ALMS1: variants seen among roughly 807,000 people sequenced by gnomAD.
ALMS1 encodes the protein ALMS1 centrosome and basal body associated protein.
In ALMS1, 271 loss-of-function variants were observed where a neutral mutation model predicts 352.2. The observed-to-expected ratio is 0.77, with a 90% CI of 0.70 to 0.85. The LOEUF is 0.85. ALMS1 is among the 40% of genes least tolerant of loss of function. The pLI, the probability that ALMS1 is intolerant of heterozygous loss-of-function variation, is 0.00. For missense variants in ALMS1, 5,445 were observed against 4,870.7 expected, an observed-to-expected ratio of 1.12 and a Z score of -3.51; for synonymous variants, 1,865 against 1,761.2, an observed-to-expected ratio of 1.06 and a Z score of -1.48.
Position 73,490,709 on chromosome 2 carries a change from ACCTT to A in ALMS1, c.8756_8759del (p.Pro2919LeufsTer19), listed in dbSNP as rs1553409774. ...CAACATCAGGATTATGTAGCTCCAG[ACCTT>A]CCTTCTTGCATTTTTCTTGAACAAC... is the stretch of plus-strand genomic sequence containing the variant. On this transcript the variant is annotated frameshift_variant, in exon 10 of 23. Coordinates refer to ENST00000613296, the MANE Select transcript of ALMS1 (RefSeq NM_001378454.1). LOFTEE classifies it high-confidence loss of function. 2 of 1,614,142 alleles carry A rather than the reference ACCTT, an allele frequency of 1.2e-6. No individual in the cohort carries two copies. Among genetic ancestry groups the A allele is most frequent in the Non-Finnish European group, 1.7e-6 (2 of 1,180,012 alleles).
At position 73,429,079 on chromosome 2, in the gene ALMS1, A is replaced by G. The variant is rs563624272; in HGVS notation, c.1338+2526A>G. 8.5e-5 allele frequency among the ~76,000 whole-genome samples: 13 copies of G among 152,254 alleles called. No homozygotes were observed. The South Asian group carries it at 2.5e-3, about 29-fold the overall frequency. ...GGAGGATCACTTTCCTGATCTGCAT[A>G]AGGAAATAGGAATAGTAATAACCTT... On this transcript the variant is annotated intron_variant, in intron 6 of 22. Coordinates refer to ENST00000613296, the MANE Select transcript of ALMS1 (RefSeq NM_001378454.1).
rs58089734 is a variant in ALMS1, at chr2:73,585,726, C to CT, written c.11547+12317dup. ...ATCATTTTTGCATACACTTCTTGGC[C>CT]TTTTTTTTTTTTTTTCCCCGAGACG... On this transcript the variant is annotated intron_variant, in intron 16 of 22. Transcript: ENST00000613296. Among the ~76,000 whole-genome samples, 126 of 119,522 alleles carry CT rather than the reference C, an allele frequency of 1.1e-3. 3 individuals are homozygous for CT. Among genetic ancestry groups the CT allele is most frequent in the Admixed American group, 1.7e-3 (19 of 11,482 alleles). 78.4% of individuals were successfully genotyped at this position (119,522 alleles called of 152,430 possible). A position where few individuals can be genotyped will look rare whatever the true frequency, so the allele number is the denominator to read the frequency against.
At chr2:73,498,292 C>T (rs564770160) in intron 10 of ALMS1, among the ~76,000 whole-genome samples, 34 of 150,906 alleles carry the variant, frequency 2.3e-4, no homozygotes, top group African/African-American at 8.0e-4. Flanking sequence ...TTCATTGGTA[C>T]ATAGTAGGTG....
Position 73,455,180 on chromosome 2 carries a change from A to C in ALMS1, c.7559A>C (p.Asn2520Thr). ...VRAHAWNMKFNLAHDCGYSIS... is the reference protein window; with the variant it reads ...VRAHAWNMKFTLAHDCGYSIS... The stretch of plus-strand genomic sequence containing the variant: ...TCTCCAGCCTGGAATATGAAGTTCA[A>C]TTTAGCACATGATTGTGGATACTCC... The change falls in exon 9 of 23, where the codon AAT becomes ACT. Residue 2520 changes from asparagine (N) to threonine (T), a missense_variant. By Grantham distance (65) the Asn-to-Thr change is moderately conservative (BLOSUM62 0). Coordinates refer to ENST00000613296, the MANE Select transcript of ALMS1 (RefSeq NM_001378454.1). 1 of 1,613,326 alleles carries C rather than the reference A, an allele frequency of 6.2e-7. No individual in the cohort carries two copies. The highest frequency in any genetic ancestry group is 8.5e-7 in the Non-Finnish European group (1 of 1,179,742).
chr2:73,463,005 A>G (rs1424140118), intron 9 of ALMS1, among the ~76,000 whole-genome samples: 6 of 152,118 alleles, frequency 3.9e-5, no homozygotes, highest in Non-Finnish European at 8.8e-5. Context: ...CACAATAACA[A>G]TGGGAGACTT....
intron 10 of ALMS1, among the ~76,000 whole-genome samples, chr2:73,511,854 G>A (rs375856062): frequency 6.6e-6 from 1 of 152,090 alleles, no homozygotes; most frequent in African/African-American, 2.4e-5. Context: ...ACAAAGAATT[G>A]TTTCAAAATG....
intron 16 of ALMS1, among the ~76,000 whole-genome samples, chr2:73,590,677 C>CTTTTTTTTTTTTTT (rs35264211): frequency 1.8e-5 from 2 of 108,440 alleles, no homozygotes; most frequent in Non-Finnish European, 3.8e-5. Flanking sequence ...TGTTTTATTA[C>CTTTTTTTTTTTTTT]TTTTTTTTTT....
intron 15 of ALMS1, among the ~76,000 whole-genome samples, chr2:73,567,630 T>TC (rs1674830556): frequency 6.6e-6 from 1 of 152,178 alleles, no homozygotes; most frequent in South Asian, 2.1e-4. Context: ...CCATTTCAGA[T>TC]CCATTTGTAA....
At chr2:73,455,380 G>A (rs1672039014) in intron 9 of ALMS1, 85 bp downstream of exon 9, 2 of 1,557,248 alleles carry the variant, frequency 1.3e-6, no homozygotes, top group Admixed American at 3.5e-5. Flanking sequence ...CATCAGTTGA[G>A]TTGCTGATAA....
chr2:73,539,965 G>A (rs1403608483), intron 12 of ALMS1, among the ~76,000 whole-genome samples: 3 of 152,194 alleles, frequency 2.0e-5, no homozygotes, highest in Non-Finnish European at 4.4e-5. Context: ...TTATCCAGGA[G>A]AACTTCCCCA....
rs187132636 is a variant in ALMS1 at position 73,390,189 on chromosome 2, A to G, written c.324+3997A>G. Among the ~76,000 whole-genome samples, 179 of 152,334 alleles carry G rather than the reference A, an allele frequency of 1.2e-3. 1 individual carries two copies. The highest frequency in any genetic ancestry group is 3.5e-3 in the African/African-American group (146 of 41,562). ...TTACAATGATACAAGGAGTGTTCAGATAATTTTTCCTTTAGTTCACTGGCA... is the reference window on the plus strand; with the variant it reads ...TTACAATGATACAAGGAGTGTTCAGGTAATTTTTCCTTTAGTTCACTGGCA... On this transcript the variant is annotated intron_variant, in intron 1 of 22. Transcript: ENST00000613296.
At position 73,489,759 on chromosome 2, in the gene ALMS1, C is replaced by G; in HGVS notation, c.7800C>G (p.His2600Gln). 6.2e-7 allele frequency: 1 copy of G among 1,614,156 alleles called. No homozygotes were observed. The highest frequency in any genetic ancestry group is 8.5e-7 in the Non-Finnish European group (1 of 1,180,040). The change falls in exon 10 of 23, where the codon CAC becomes CAG. Residue 2600 changes from histidine to glutamine, a missense_variant. Transcript: ENST00000613296. ...CTGAACATCCACAACTAGATAGACACCCTTGTGCTTTCAGATCTGCTGGAC... is the reference window on the plus strand; with the variant it reads ...CTGAACATCCACAACTAGATAGACAGCCTTGTGCTTTCAGATCTGCTGGAC... Reference protein sequence around the residue: ...LTSEHPQLDRHPCAFRSAGPS... With the variant: ...LTSEHPQLDRQPCAFRSAGPS...
At chr2:73,480,438 G>A (rs1267354908) in intron 9 of ALMS1, among the ~76,000 whole-genome samples, 2 of 152,178 alleles carry the variant, frequency 1.3e-5, no homozygotes, top group South Asian at 2.1e-4. Context: ...GTATTCCATG[G>A]TGTATATGTG....
chr2:73,547,787 G>A (rs1357183996), intron 12 of ALMS1, among the ~76,000 whole-genome samples: 1 of 152,178 alleles, frequency 6.6e-6, no homozygotes, highest in Non-Finnish European at 1.5e-5. Context: ...GAGAGCCATG[G>A]CGGGGCGGGT....
intron 9 of ALMS1, among the ~76,000 whole-genome samples, chr2:73,478,183 G>T (rs1193288704): frequency 1.3e-5 from 2 of 152,088 alleles, no homozygotes; most frequent in African/African-American, 2.4e-5. Flanking sequence ...AACGTATTGG[G>T]TTTTGTTGAA....
At chr2:73,550,555 T>TG in intron 13 of ALMS1, 118 bp downstream of exon 13, 1 of 1,342,850 alleles carries the variant, frequency 7.4e-7, no homozygotes, top group Non-Finnish European at 1.0e-6. Context: ...TTCTCCTTGC[T>TG]GTTATATTGA....
rs776530785 is a variant in ALMS1, at chr2:73,489,914, C to G, written c.7955C>G (p.Ser2652Cys). 2 of 1,614,166 alleles carry G rather than the reference C, an allele frequency of 1.2e-6. No individual in the cohort carries two copies. The highest frequency in any genetic ancestry group is 2.2e-5 in the South Asian group (2 of 91,084). ...AATTCCTTGCAGTTAAAAAGTCATT[C>G]CCCATTTCAGAACTTTATACCTGAT... The part of the protein sequence containing the change: ...VWNSLQLKSH[S>C]PFQNFIPDEF... Residue 2652 changes from serine to cysteine, a missense_variant, in exon 10 of 23, where the codon TCC becomes TGC. Ser to Cys is a moderately radical substitution (Grantham distance 112). Coordinates refer to ENST00000613296, the MANE Select transcript of ALMS1 (RefSeq NM_001378454.1).
chr2:73,466,657 A>T (rs1054913171), intron 9 of ALMS1, among the ~76,000 whole-genome samples: 3 of 152,118 alleles, frequency 2.0e-5, no homozygotes, highest in African/African-American at 7.2e-5. Flanking sequence ...TAAAATAAAA[A>T]AATTCTAAGT....
chr2:73,586,921 C>CT (rs1675325881), intron 16 of ALMS1, among the ~76,000 whole-genome samples: 1 of 152,124 alleles, frequency 6.6e-6, no homozygotes. Flanking sequence ...TCAATGATTT[C>CT]TTTCAGCAGT....
Sources: gnomAD v4.1 joint callset for allele counts (sites outside exome capture counted in the v4.1 genomes callset) on GRCh38, gnomAD v4.1.1 for gene constraint, MANE v1.5 for transcripts, NCBI Gene and HGNC (gene_info 2026-07-23, HGNC 2026-07-21) for gene names.